MACROD2: variants seen among roughly 807,000 people sequenced by gnomAD.
MACROD2 encodes mono-ADP ribosylhydrolase 2.
Under a neutral mutation model 70.4 loss-of-function variants are expected in MACROD2, and 36 were observed. The ratio of observed to expected loss-of-function variants is 0.51; its 90% CI spans 0.39 to 0.68. MACROD2 has a LOEUF of 0.68. MACROD2 is among the 30% of genes least tolerant of loss of function. The probability of loss-of-function intolerance (pLI) is 0.00; values close to 1 mark genes in which losing one functional copy is unlikely to be tolerated. For synonymous variants in MACROD2, 172 were observed against 178.8 expected, an observed-to-expected ratio of 0.96 and a Z score of 0.30; for missense variants, 496 against 538.4, an observed-to-expected ratio of 0.92 and a Z score of 0.78.
chr20:14,138,060 G>C (rs2054823071), intron 3 of MACROD2, among the ~76,000 whole-genome samples: 1 of 152,116 alleles, frequency 6.6e-6, no homozygotes, highest in Admixed American at 6.5e-5. Context: ...AGATATCACT[G>C]CATACCTGTT....
chr20:15,228,197 C>T (rs914012187), intron 5 of MACROD2, among the ~76,000 whole-genome samples: 3 of 151,648 alleles, frequency 2.0e-5, no homozygotes, highest in Non-Finnish European at 4.4e-5. Context: ...TATTTTTTTT[C>T]CTGAGTACAC....
At chr20:14,263,194 A>G (rs2082114846) in intron 3 of MACROD2, among the ~76,000 whole-genome samples, 1 of 152,192 alleles carries the variant, frequency 6.6e-6, no homozygotes, top group South Asian at 2.1e-4. Flanking sequence ...CAGTCAAGTT[A>G]TAACTATCCC....
At chr20:14,998,155 C>G (rs2074965749) in intron 5 of MACROD2, among the ~76,000 whole-genome samples, 1 of 152,130 alleles carries the variant, frequency 6.6e-6, no homozygotes, top group South Asian at 2.1e-4. Context: ...CAAATAAGCC[C>G]AAACTGCAGA....
chr20:14,895,536 G>A (rs995267265), intron 5 of MACROD2: 5 of 152,084 alleles, frequency 3.3e-5, no homozygotes, highest in Non-Finnish European at 2.9e-5. Context: ...TTGCGGATCA[G>A]GAACAAAGGG....
intron 3 of MACROD2, among the ~76,000 whole-genome samples, chr20:14,109,895 A>G (rs117835762): frequency 1.3e-3 from 193 of 152,008 alleles, no homozygotes; most frequent in Non-Finnish European, 2.4e-3. Context: ...CCCTGATACC[A>G]AAATGAAAGA....
chr20:15,373,874 C>T (rs2146265879), intron 6 of MACROD2, among the ~76,000 whole-genome samples: 1 of 152,170 alleles, frequency 6.6e-6, no homozygotes. Flanking sequence ...CAGTACTTTT[C>T]CTTGTACCTT....
intron 2 of MACROD2, among the ~76,000 whole-genome samples, chr20:14,082,112 A>G (rs2054002438): frequency 6.6e-6 from 1 of 151,994 alleles, no homozygotes; most frequent in Non-Finnish European, 1.5e-5. Flanking sequence ...TTCTTTTGAA[A>G]CAACTGAACG....
intron 15 of MACROD2, among the ~76,000 whole-genome samples, chr20:16,001,066 T>A (rs1427994059): frequency 1.3e-5 from 2 of 152,216 alleles, no homozygotes; most frequent in South Asian, 2.1e-4. Flanking sequence ...TCCTACTGAT[T>A]GTGCAAAAGA....
intron 3 of MACROD2, among the ~76,000 whole-genome samples, chr20:14,236,411 G>C (rs924422567): frequency 3.3e-5 from 5 of 151,674 alleles, no homozygotes; most frequent in African/African-American, 1.2e-4. Context: ...TTGCTTAGAA[G>C]ACAAAGCAAA....
intron 6 of MACROD2, among the ~76,000 whole-genome samples, chr20:15,281,695 T>C (rs951145958): frequency 6.6e-6 from 1 of 152,228 alleles, no homozygotes; most frequent in Non-Finnish European, 1.5e-5. Context: ...GCTGCTTTCA[T>C]GGGCTGGCGT....
At chr20:15,157,415 C>G (rs1000170635) in intron 5 of MACROD2, among the ~76,000 whole-genome samples, 1 of 147,324 alleles carries the variant, frequency 6.8e-6, no homozygotes, top group Admixed American at 7.0e-5. Context: ...ACATCAGGGG[C>G]TGGAGCTTTG....
chr20:15,885,196 A>G (rs1223685754), intron 9 of MACROD2, among the ~76,000 whole-genome samples: 1 of 152,114 alleles, frequency 6.6e-6, no homozygotes, highest in Non-Finnish European at 1.5e-5. Context: ...TGTCCAGTTA[A>G]AAGGGATTAT....
At chr20:15,132,507 A>G (rs1488150935) in intron 5 of MACROD2, among the ~76,000 whole-genome samples, 1 of 152,010 alleles carries the variant, frequency 6.6e-6, no homozygotes, top group Non-Finnish European at 1.5e-5. Flanking sequence ...AATGAAACAT[A>G]TATTAGACCT....
At chr20:15,628,880 G>A (rs1342657036) in intron 8 of MACROD2, among the ~76,000 whole-genome samples, 1 of 152,232 alleles carries the variant, frequency 6.6e-6, no homozygotes, top group East Asian at 1.9e-4. Flanking sequence ...CATATGGTGT[G>A]TATTGGTTTC....
rs181755709 is a variant in MACROD2, at chr20:16,027,804, G to A, written c.1154-13397G>A. On this transcript the variant is annotated intron_variant, in intron 15 of 17. Coordinates refer to ENST00000684519, the MANE Select transcript of MACROD2 (RefSeq NM_001351661.2). Reference sequence around the variant, plus strand: ...AAAGCCACAAAAGGTGCATGATGGGGTGGAGGGGAGTGTTAGAGACACCCA... The same window carrying A: ...AAAGCCACAAAAGGTGCATGATGGGATGGAGGGGAGTGTTAGAGACACCCA... 4.1e-4 allele frequency among the ~76,000 whole-genome samples: 62 copies of A among 152,296 alleles called. No individual in the cohort carries two copies. In the East Asian group the frequency reaches 8.3e-3, roughly 20 times the overall value.
At chr20:15,022,138 A>C (rs551743239) in intron 5 of MACROD2, among the ~76,000 whole-genome samples, 1 of 152,328 alleles carries the variant, frequency 6.6e-6, no homozygotes, top group South Asian at 2.1e-4. Flanking sequence ...TATTTTATTT[A>C]TTAGTAAAGA....
At chr20:15,951,021 T>A (rs1282537481) in intron 12 of MACROD2, among the ~76,000 whole-genome samples, 1 of 152,132 alleles carries the variant, frequency 6.6e-6, no homozygotes, top group Non-Finnish European at 1.5e-5. Flanking sequence ...CTGGAAGAAC[T>A]CAAGAACGCA....
chr20:15,633,683 C>A (rs935492621), intron 8 of MACROD2, among the ~76,000 whole-genome samples: 5 of 152,016 alleles, frequency 3.3e-5, no homozygotes, highest in Admixed American at 6.6e-5. Flanking sequence ...ATTGAACAAG[C>A]TAATATCACC....
intron 3 of MACROD2, among the ~76,000 whole-genome samples, chr20:14,421,831 C>T (rs1600222543): frequency 1.3e-5 from 2 of 151,946 alleles, no homozygotes; most frequent in African/African-American, 4.8e-5. Context: ...ATTGTCTGTT[C>T]TGTAGAATGT....
Sources: allele counts gnomAD v4.1 joint callset (sites outside exome capture counted in the v4.1 genomes callset), GRCh38; gene constraint gnomAD v4.1.1; transcripts MANE v1.5; gene names NCBI Gene and HGNC (gene_info 2026-07-23, HGNC 2026-07-21).